Variants in MED12L observed in about 807,000 individuals in gnomAD.
The protein encoded by MED12L is mediator complex subunit 12L.
In MED12L, 60 loss-of-function variants were observed where a neutral mutation model predicts 281.3. That is an observed-to-expected ratio of 0.21 (90% CI 0.17 to 0.26). MED12L has a LOEUF of 0.26. Among genes scored for constraint, MED12L ranks in the 10% least tolerant of loss-of-function variants. The pLI is 1.00. For missense variants in MED12L, 2,146 were observed against 2,680.9 expected (o/e 0.80, Z 4.41); for synonymous variants, 974 against 987.2 (o/e 0.99, Z 0.25).
intron 16 of MED12L, chr3:151,248,997 A>G (rs1577118247): frequency 6.6e-6 from 1 of 152,332 alleles, no homozygotes; most frequent in African/African-American, 2.4e-5. Context: ...ACACTGCATT[A>G]GCTTTCAAAT....
chr3:151,161,803 A>G (rs1720029628), intron 8 of MED12L, among the ~76,000 whole-genome samples: 1 of 152,192 alleles, frequency 6.6e-6, no homozygotes, highest in Non-Finnish European at 1.5e-5. Flanking sequence ...ACTATGCTAA[A>G]CTGGGGTCTG....
chr3:151,129,435 C>T (rs751273726), intron 5 of MED12L, among the ~76,000 whole-genome samples: 3 of 151,840 alleles, frequency 2.0e-5, no homozygotes, highest in Non-Finnish European at 2.9e-5. Flanking sequence ...GTGATGGCCT[C>T]TTAGTGTTGT....
chr3:151,144,757 A>T (rs1047765661), intron 5 of MED12L, among the ~76,000 whole-genome samples: 1 of 151,856 alleles, frequency 6.6e-6, no homozygotes, highest in African/African-American at 2.4e-5. Context: ...CTCTCTCTTC[A>T]GTCTTCCTTC....
At chr3:151,332,166 A>G (rs956237435) in intron 16 of MED12L, among the ~76,000 whole-genome samples, 29 of 152,330 alleles carry the variant, frequency 1.9e-4, no homozygotes, top group Admixed American at 1.8e-3. Flanking sequence ...CTCTAGCCAG[A>G]TAGGAATAAA....
At chr3:151,300,066 C>A (rs760987056) in intron 16 of MED12L, 6 of 1,593,698 alleles carry the variant, frequency 3.8e-6, no homozygotes. Flanking sequence ...CGACGGCTTA[C>A]TTGGTAATTT....
intron 16 of MED12L, among the ~76,000 whole-genome samples, chr3:151,300,967 A>G (rs1745835114): frequency 6.6e-6 from 1 of 152,170 alleles, no homozygotes; most frequent in Non-Finnish European, 1.5e-5. Flanking sequence ...GATGGAAAAA[A>G]TGGTTTTTAA....
Position 151,193,472 on chromosome 3 carries a change from T to C in MED12L, c.2074-18T>C. On this transcript the variant is annotated intron_variant, in intron 15 of 44. Coordinates refer to ENST00000687756, the MANE Select transcript of MED12L (RefSeq NM_001393769.1). ...GGCTTTCATTTACAATCTCCAACAT[T>C]TGTTTTACATGACTTAGATTTTTTC... 6.2e-7 allele frequency: 1 copy of C among 1,602,880 alleles called. No homozygotes were observed. The highest frequency in any genetic ancestry group is 1.1e-5 in the South Asian group (1 of 89,998).
intron 2 of MED12L, among the ~76,000 whole-genome samples, chr3:151,093,381 T>C (rs1217832847): frequency 6.6e-6 from 1 of 152,158 alleles, no homozygotes; most frequent in Non-Finnish European, 1.5e-5. Context: ...GCTCAGAAAT[T>C]TGCATTTTAA....
chr3:151,244,713 A>C (rs1316361273), intron 16 of MED12L, among the ~76,000 whole-genome samples: 2 of 151,600 alleles, frequency 1.3e-5, no homozygotes, highest in Non-Finnish European at 2.9e-5. Flanking sequence ...AAGAACTAGA[A>C]AAGCAAGAGC....
rs144087814 is a variant in MED12L at position 151,180,235 on chromosome 3, A to T, written c.1495-5095A>T. 2.0e-5 allele frequency among the ~76,000 whole-genome samples: 3 copies of T among 152,330 alleles called. No individual in the cohort carries two copies. In the East Asian group the frequency reaches 5.8e-4, roughly 29 times the overall value. On this transcript the variant is annotated intron_variant, in intron 11 of 44. Transcript: ENST00000687756. The stretch of plus-strand genomic sequence containing the variant: ...ATTCACTTAATTTCTAAAAATCAGA[A>T]ATTGGGACTACAACTGCAGCAGGTA...
intron 16 of MED12L, among the ~76,000 whole-genome samples, chr3:151,299,380 C>T: frequency 7.3e-6 from 1 of 137,232 alleles, no homozygotes; most frequent in Non-Finnish European, 1.6e-5. Context: ...CTTTTCTTTT[C>T]TTTTCTTTTC....
chr3:151,087,119 G>T, intron 2 of MED12L, 94 bp downstream of exon 2: 1 of 1,031,046 alleles, frequency 9.7e-7, no homozygotes. Flanking sequence ...CCGGCGCTGC[G>T]GTGGAAGAGG....
chr3:151,104,988 C>G (rs1486870830), intron 2 of MED12L, among the ~76,000 whole-genome samples: 1 of 152,204 alleles, frequency 6.6e-6, no homozygotes, highest in Non-Finnish European at 1.5e-5. Flanking sequence ...CACAGAAACC[C>G]TATTTCCAAA....
intron 16 of MED12L, chr3:151,328,935 G>T: frequency 6.2e-7 from 1 of 1,613,656 alleles, no homozygotes; most frequent in Non-Finnish European, 8.5e-7. Flanking sequence ...TGTACTATCC[G>T]AGTGTCTCTG....
chr3:151,106,342 CCCTTTCCTTT>C (rs141445323), intron 2 of MED12L, among the ~76,000 whole-genome samples: 2 of 123,518 alleles, frequency 1.6e-5, no homozygotes, highest in South Asian at 3.1e-4. Flanking sequence ...CCCTCCCCTC[CCCTTTCCTTT>C]CCTTTCCTAC....
intron 16 of MED12L, among the ~76,000 whole-genome samples, chr3:151,241,411 G>A (rs1734049447): frequency 6.6e-6 from 1 of 152,012 alleles, no homozygotes; most frequent in South Asian, 2.1e-4. Context: ...TTTCTCCTCA[G>A]GCTATCTTGA....
At chr3:151,416,188 A>T in intron 42 of MED12L, 124 bp from the exon 43 acceptor site, 1 of 1,527,464 alleles carries the variant, frequency 6.5e-7, no homozygotes, top group Non-Finnish European at 9.0e-7. Context: ...GAGATGCAGC[A>T]GGCAGGTATA....
chr3:151,151,234 T>C (rs929607188), intron 5 of MED12L, among the ~76,000 whole-genome samples: 6 of 151,858 alleles, frequency 4.0e-5, no homozygotes, highest in Non-Finnish European at 8.8e-5. Flanking sequence ...AGACGGTGTT[T>C]CACCGTGTTA....
chr3:151,165,573 G>A lies in MED12L; in HGVS notation c.1357+54G>A, dbSNP rs117311155. 92 of 1,463,330 alleles carry A rather than the reference G, an allele frequency of 6.3e-5. No individual in the cohort carries two copies. The East Asian group carries it at 1.7e-3, about 27-fold the overall frequency. 90.6% of individuals were successfully genotyped at this position (1,463,330 alleles called of 1,614,324 possible). On this transcript the variant is annotated intron_variant, in intron 10 of 44. Transcript: ENST00000687756. ...TTTTGAATGTTGGACTTTATGCTGTGTTTTTGCTTCTTATAAACCATTCCA... is the reference window on the plus strand; with the variant it reads ...TTTTGAATGTTGGACTTTATGCTGTATTTTTGCTTCTTATAAACCATTCCA...
Sources: allele counts gnomAD v4.1 joint callset (sites outside exome capture counted in the v4.1 genomes callset), GRCh38; gene constraint gnomAD v4.1.1; transcripts MANE v1.5; gene names NCBI Gene and HGNC (gene_info 2026-07-23, HGNC 2026-07-21).